Variants in MBNL2 observed in about 807,000 individuals in gnomAD.
MBNL2 encodes the protein muscleblind-like protein 2.
In MBNL2, 17 loss-of-function variants were observed where a neutral mutation model predicts 41.9. The ratio of observed to expected loss-of-function variants is 0.41; its 90% confidence interval spans 0.28 to 0.61. The LOEUF (loss-of-function observed/expected upper bound fraction) is 0.61. Among genes scored for constraint, MBNL2 ranks in the 20% least tolerant of loss-of-function variants. MBNL2 has a pLI of 0.35. For synonymous variants in MBNL2, 195 were observed against 182.9 expected (o/e 1.07, Z -0.53); for missense variants, 336 against 505.6 (o/e 0.66, Z 3.22).
chr13:97,308,138 CG>C (rs1176941391), intron 2 of MBNL2, among the ~76,000 whole-genome samples: 3 of 152,186 alleles, frequency 2.0e-5, no homozygotes, highest in African/African-American at 7.2e-5. Context: ...TGTTGCTGGA[CG>C]AACACTGGCT....
chr13:97,373,643 TG>T (rs2153140338), intron 8 of MBNL2, among the ~76,000 whole-genome samples: 1 of 148,888 alleles, frequency 6.7e-6, no homozygotes, highest in East Asian at 2.0e-4. Flanking sequence ...AGGAGGAGGT[TG>T]GGGGATACTC....
the MBNL2 span, among the ~76,000 whole-genome samples, chr13:97,205,956 C>A: frequency 6.6e-6 from 1 of 152,064 alleles, no homozygotes; most frequent in Non-Finnish European, 1.5e-5. Context: ...GTTTTGTAAC[C>A]CATGTGAAGT....
At chr13:97,152,752 A>G in the MBNL2 span, among the ~76,000 whole-genome samples, 1 of 152,152 alleles carries the variant, frequency 6.6e-6, no homozygotes, top group Non-Finnish European at 1.5e-5. Context: ...TTTTTCTTGC[A>G]CCTTTCTTGC....
intron 1 of MBNL2, among the ~76,000 whole-genome samples, chr13:97,229,045 T>A (rs1299761753): frequency 6.6e-6 from 1 of 151,100 alleles, no homozygotes; most frequent in Non-Finnish European, 1.5e-5. Flanking sequence ...GGATGTTGCG[T>A]AATTGAGTAG....
At chr13:97,204,066 A>T in the MBNL2 span, among the ~76,000 whole-genome samples, 1 of 152,258 alleles carries the variant, frequency 6.6e-6, no homozygotes, top group South Asian at 2.1e-4. Context: ...GGCAAAGGCC[A>T]GTTCCCTCTC....
At chr13:97,152,432 T>C in the MBNL2 span, among the ~76,000 whole-genome samples, 1 of 152,072 alleles carries the variant, frequency 6.6e-6, no homozygotes, top group African/African-American at 2.4e-5. Flanking sequence ...AGTTTTCACA[T>C]TAAAAGTACG....
At chr13:97,330,888 C>T (rs1413117572) in intron 2 of MBNL2, among the ~76,000 whole-genome samples, 1 of 152,092 alleles carries the variant, frequency 6.6e-6, no homozygotes, top group Non-Finnish European at 1.5e-5. Flanking sequence ...ATTAGTGTGC[C>T]TCAGACATCC....
At chr13:97,329,826 A>C (rs2060275777) in intron 2 of MBNL2, among the ~76,000 whole-genome samples, 1 of 149,518 alleles carries the variant, frequency 6.7e-6, no homozygotes, top group African/African-American at 2.5e-5. Context: ...ATACACATGC[A>C]ACACACACAC....
At chr13:97,224,873 T>TC (rs1479070560) in intron 1 of MBNL2, among the ~76,000 whole-genome samples, 3 of 152,242 alleles carry the variant, frequency 2.0e-5, no homozygotes, top group Non-Finnish European at 4.4e-5. Flanking sequence ...TTGCATTTTT[T>TC]CCATCGATCT....
At chr13:97,266,548 G>C (rs1205210460) in intron 1 of MBNL2, among the ~76,000 whole-genome samples, 1 of 152,308 alleles carries the variant, frequency 6.6e-6, no homozygotes, top group East Asian at 1.9e-4. Context: ...TCAGCTGGCA[G>C]CTCCTCCAGG....
chr13:97,142,614 A>G, the MBNL2 span, among the ~76,000 whole-genome samples: 2 of 152,152 alleles, frequency 1.3e-5, no homozygotes, highest in African/African-American at 2.4e-5. Flanking sequence ...CTGGCTCTGC[A>G]TTGGTCATGC....
chr13:97,281,814 T>A (rs960711454), intron 2 of MBNL2, among the ~76,000 whole-genome samples: 2 of 152,214 alleles, frequency 1.3e-5, no homozygotes, highest in Non-Finnish European at 2.9e-5. Flanking sequence ...TAAACATGAT[T>A]AAGTCACCCT....
intron 1 of MBNL2, among the ~76,000 whole-genome samples, chr13:97,255,969 C>G (rs2047448252): frequency 6.6e-6 from 1 of 152,080 alleles, no homozygotes; most frequent in Non-Finnish European, 1.5e-5. Context: ...GAGAGAGTGT[C>G]AAATTGAGAA....
the MBNL2 span, among the ~76,000 whole-genome samples, chr13:97,159,870 G>A: frequency 6.6e-6 from 1 of 151,558 alleles, no homozygotes; most frequent in African/African-American, 2.4e-5. Flanking sequence ...TGACAATTAT[G>A]TGTCTTGGAG....
At chr13:97,164,408 C>G in the MBNL2 span, among the ~76,000 whole-genome samples, 2 of 152,254 alleles carry the variant, frequency 1.3e-5, no homozygotes, top group South Asian at 2.1e-4. Context: ...ACTGGTGTCT[C>G]TTAGTGCAAT....
intron 8 of MBNL2, among the ~76,000 whole-genome samples, chr13:97,368,290 G>A (rs1330795249): frequency 6.6e-6 from 1 of 152,088 alleles, no homozygotes; most frequent in Non-Finnish European, 1.5e-5. Context: ...GCCATACACT[G>A]TAGTCCCAGC....
intron 2 of MBNL2, among the ~76,000 whole-genome samples, chr13:97,294,709 A>G (rs2056755188): frequency 6.6e-6 from 1 of 152,190 alleles, no homozygotes; most frequent in Non-Finnish European, 1.5e-5. Context: ...CTACTCTGAA[A>G]CAGTTATTAC....
intron 2 of MBNL2, among the ~76,000 whole-genome samples, chr13:97,327,527 GAGGCAC>G (rs1392206036): frequency 7.7e-6 from 1 of 129,750 alleles, no homozygotes; most frequent in Non-Finnish European, 1.5e-5. Context: ...TGAGAAAATT[GAGGCAC>G]AGGCACAGAC....
At chr13:97,194,805 G>A in the MBNL2 span, among the ~76,000 whole-genome samples, 1 of 152,092 alleles carries the variant, frequency 6.6e-6, no homozygotes, top group East Asian at 1.9e-4. Context: ...TCCCACCAGC[G>A]CCATGACCAT....
Sources: allele counts gnomAD v4.1 joint callset (sites outside exome capture counted in the v4.1 genomes callset), GRCh38; gene constraint gnomAD v4.1.1; transcripts MANE v1.5; gene names NCBI Gene and HGNC (gene_info 2026-07-23, HGNC 2026-07-21).